TTC29: variants seen among roughly 807,000 people sequenced by gnomAD.
TTC29 encodes tetratricopeptide repeat domain 29.
A neutral mutation model predicts 58.1 loss-of-function variants in TTC29; 49 were observed. The ratio of observed to expected loss-of-function variants is 0.84; its 90% confidence interval spans 0.67 to 1.07. The LOEUF is 1.07. Ranked by LOEUF, TTC29 falls within the 50% of genes least tolerant of loss-of-function variation. The pLI is 0.00. For synonymous variants in TTC29, 209 were observed against 196.8 expected, an observed-to-expected ratio of 1.06 and a Z score of -0.52; for missense variants, 582 against 555.6, an observed-to-expected ratio of 1.05 and a Z score of -0.48.
chr4:146,915,388 T>C (rs771793351), intron 4 of TTC29, among the ~76,000 whole-genome samples: 3 of 152,086 alleles, frequency 2.0e-5, no homozygotes, highest in Non-Finnish European at 2.9e-5. Context: ...TTAGGTTGGG[T>C]TGGAGACAGA....
chr4:146,712,719 G>A (rs984428011), intron 11 of TTC29, among the ~76,000 whole-genome samples: 1 of 152,242 alleles, frequency 6.6e-6, no homozygotes, highest in African/African-American at 2.4e-5. Flanking sequence ...ATTAAGAGAT[G>A]AGGGCAGGGC....
chr4:146,793,440 T>C (rs1350469429), intron 11 of TTC29, among the ~76,000 whole-genome samples: 1 of 152,220 alleles, frequency 6.6e-6, no homozygotes, highest in East Asian at 1.9e-4. Context: ...ATTAGCATTT[T>C]GTTTTTAGTA....
chr4:146,793,523 T>C (rs932554936), intron 11 of TTC29, among the ~76,000 whole-genome samples: 1 of 152,170 alleles, frequency 6.6e-6, no homozygotes, highest in Non-Finnish European at 1.5e-5. Flanking sequence ...CAGACTAAAG[T>C]GCAGTGTAAG....
intron 8 of TTC29, among the ~76,000 whole-genome samples, chr4:146,835,213 G>A (rs1728427714): frequency 6.6e-6 from 1 of 151,972 alleles, no homozygotes; most frequent in South Asian, 2.1e-4. Context: ...AATGTTAAAT[G>A]ATGAGTTAAT....
chr4:146,792,632 A>C (rs1749547771), intron 11 of TTC29, among the ~76,000 whole-genome samples: 1 of 152,192 alleles, frequency 6.6e-6, no homozygotes, highest in African/African-American at 2.4e-5. Context: ...GATCAATAAG[A>C]AGTTTTGACT....
chr4:146,783,619 TAGA>T (rs1748783868), intron 11 of TTC29, among the ~76,000 whole-genome samples: 1 of 152,098 alleles, frequency 6.6e-6, no homozygotes, highest in South Asian at 2.1e-4. Flanking sequence ...TGTGCATTCA[TAGA>T]AGAAGTAATG....
At chr4:146,736,177 T>C (rs1744695481) in intron 11 of TTC29, among the ~76,000 whole-genome samples, 1 of 151,638 alleles carries the variant, frequency 6.6e-6, no homozygotes, top group Admixed American at 6.6e-5. Flanking sequence ...TTAATCAAGA[T>C]AAAGATTGAG....
intron 10 of TTC29, among the ~76,000 whole-genome samples, chr4:146,816,396 G>A (rs1351367574): frequency 6.6e-6 from 1 of 152,228 alleles, no homozygotes; most frequent in African/African-American, 2.4e-5. Context: ...AAGGAGAGAG[G>A]AGTCAATAAA....
intron 11 of TTC29, among the ~76,000 whole-genome samples, chr4:146,750,583 A>T (rs1418125943): frequency 1.3e-5 from 2 of 152,244 alleles, no homozygotes; most frequent in Non-Finnish European, 2.9e-5. Flanking sequence ...CATCAAAAAC[A>T]TAACTTGTTG....
chr4:146,753,566 A>G (rs1420244559), intron 11 of TTC29, among the ~76,000 whole-genome samples: 1 of 152,222 alleles, frequency 6.6e-6, no homozygotes, highest in East Asian at 1.9e-4. Flanking sequence ...ATATACCCAA[A>G]GGATTATAAA....
intron 9 of TTC29, among the ~76,000 whole-genome samples, chr4:146,829,993 C>G (rs549875276): frequency 8.5e-4 from 129 of 152,144 alleles, no homozygotes; most frequent in African/African-American, 3.1e-3. Flanking sequence ...GGGATTTTCC[C>G]TCTCTGTATT....
At chr4:146,791,917 A>G (rs1300064348) in intron 11 of TTC29, among the ~76,000 whole-genome samples, 8 of 152,244 alleles carry the variant, frequency 5.3e-5, no homozygotes, top group Admixed American at 3.9e-4. Context: ...ACCAGTATCC[A>G]GAGCAAGCCC....
At chr4:146,921,468 TC>T (rs1734576342) in intron 4 of TTC29, among the ~76,000 whole-genome samples, 2 of 151,404 alleles carry the variant, frequency 1.3e-5, no homozygotes, top group South Asian at 4.1e-4. Flanking sequence ...AGAATATTTT[TC>T]TTTTGTATTA....
intron 6 of TTC29, among the ~76,000 whole-genome samples, chr4:146,885,381 AC>A (rs1731911385): frequency 6.6e-6 from 1 of 152,124 alleles, no homozygotes; most frequent in African/African-American, 2.4e-5. Flanking sequence ...CTCAAAATGT[AC>A]TTATTTTGGT....
At chr4:146,848,060 A>G (rs6840804) in intron 8 of TTC29, among the ~76,000 whole-genome samples, 56,763 of 152,032 alleles carry the variant, frequency 0.37, 11,206 homozygotes, top group African/African-American at 0.47. Context: ...TTTCAGATGA[A>G]CTAAATATAC....
intron 11 of TTC29, among the ~76,000 whole-genome samples, chr4:146,727,484 C>T (rs1743882768): frequency 6.6e-6 from 1 of 152,190 alleles, no homozygotes; most frequent in East Asian, 1.9e-4. Context: ...CTCTAAAAAT[C>T]CTCTGTGCTT....
At chr4:146,799,385 T>C (rs1198386841) in intron 11 of TTC29, among the ~76,000 whole-genome samples, 2 of 152,144 alleles carry the variant, frequency 1.3e-5, no homozygotes, top group East Asian at 3.9e-4. Flanking sequence ...TTTTCATTTT[T>C]TTTAAAGGGT....
chr4:146,752,342 A>T (rs7681899), intron 11 of TTC29, among the ~76,000 whole-genome samples: 841 of 31,974 alleles, frequency 0.026, 31 homozygotes, highest in African/African-American at 0.088. Flanking sequence ...ATAAAATAAC[A>T]AGGGATGTGA....
chr4:146,715,474 C>T (rs1742860725), intron 11 of TTC29, among the ~76,000 whole-genome samples: 1 of 152,024 alleles, frequency 6.6e-6, no homozygotes, highest in Non-Finnish European at 1.5e-5. Context: ...CAGAAATGAG[C>T]CTGGTGAACA....
Sources: allele counts gnomAD v4.1 joint callset (sites outside exome capture counted in the v4.1 genomes callset), GRCh38; gene constraint gnomAD v4.1.1; transcripts MANE v1.5; gene names NCBI Gene and HGNC (gene_info 2026-07-23, HGNC 2026-07-21).